CAD: variants seen among roughly 807,000 people sequenced by gnomAD.
CAD encodes the protein carbamoyl-phosphate synthetase 2, aspartate transcarbamylase, and dihydroorotase.
A neutral mutation model predicts 237.2 loss-of-function variants in CAD; 81 were observed. The ratio of observed to expected loss-of-function variants is 0.34; its 90% confidence interval spans 0.29 to 0.41. The LOEUF (loss-of-function observed/expected upper bound fraction) is 0.41. Among genes scored for constraint, CAD ranks in the 10% least tolerant of loss-of-function variants. CAD has a pLI of 1.00. For synonymous variants in CAD, 1,196 were observed against 1,162.8 expected, an observed-to-expected ratio of 1.03 and a Z score of -0.58; for missense variants, 2,181 against 2,951.7, an observed-to-expected ratio of 0.74 and a Z score of 6.05.
chr2:27,219,634 A>C (rs1220000721), intron 2 of CAD, among the ~76,000 whole-genome samples: 1 of 151,602 alleles, frequency 6.6e-6, no homozygotes, highest in Non-Finnish European at 1.5e-5. Flanking sequence ...CTTGTTGCTC[A>C]GGTTGGAGTG....
rs751801189 is a variant in CAD, at chr2:27,234,180, A to T, written c.3572A>T (p.Gln1191Leu). 1.2e-6 allele frequency: 2 copies of T among 1,614,274 alleles called. No individual in the cohort carries two copies. Among genetic ancestry groups the T allele is most frequent in the South Asian group, 2.2e-5 (2 of 91,092 alleles). ...RIKAIVHAVGQELQVTGPFNL... is the reference protein window; with the variant it reads ...RIKAIVHAVGLELQVTGPFNL... ...AAAGCCATTGTGCATGCTGTGGGCCAGGAGCTACAGGTCACAGGACCCTTC... is the reference window on the plus strand; with the variant it reads ...AAAGCCATTGTGCATGCTGTGGGCCTGGAGCTACAGGTCACAGGACCCTTC... The change falls in exon 22 of 44, where the codon CAG (glutamine) becomes CTG (leucine). Residue 1191 changes from glutamine to leucine, a missense_variant. Gln to Leu is a moderately radical substitution (Grantham distance 113, BLOSUM62 -2). This residue lies in a region of CAD where 306 missense variants were observed against 607.9 expected (regional missense o/e 0.50). Coordinates refer to ENST00000264705, the MANE Select transcript of CAD (RefSeq NM_004341.5).
Position 27,235,098 on chromosome 2 carries a change from G to T in CAD, c.3787-147G>T. On this transcript the variant is annotated intron_variant, in intron 23 of 43. Transcript: ENST00000264705. The surrounding 1 kb of genome is among the most constrained non-coding windows in gnomAD (Gnocchi z 5.2). The stretch of plus-strand genomic sequence containing the variant: ...GAAGCTGAGGGATGACCCCAAGTAC[G>T]TTTGGAAAGCAGGAGGGCACACAGA... 1 of 698,018 alleles carries T rather than the reference G, an allele frequency of 1.4e-6. No homozygotes were observed. Among genetic ancestry groups the T allele is most frequent in the Non-Finnish European group, 2.3e-6 (1 of 432,446 alleles). 43.2% of individuals were successfully genotyped at this position (698,018 alleles called of 1,614,324 possible).
chr2:27,234,654 T>A lies in CAD; in HGVS notation c.3755T>A (p.Leu1252Gln). Reference sequence around the variant, plus strand: ...GGGGAAGAAGTGGAACCTGTGGGGCTAATGACTGGTTCTGGAGTCGTGGGA... The same window carrying A: ...GGGGAAGAAGTGGAACCTGTGGGGCAAATGACTGGTTCTGGAGTCGTGGGA... ...IMGEEVEPVG[L>Q]MTGSGVVGVK... is the part of the protein sequence containing the mutation. Residue 1252 changes from leucine (L) to glutamine (Q), a missense_variant, in exon 23 of 44, where the codon CTA (leucine) becomes CAA (glutamine). Transcript: ENST00000264705. The A allele has an allele frequency of 6.2e-7, 1 of 1,614,148 alleles. No homozygotes were observed. The highest frequency in any genetic ancestry group is 8.5e-7 in the Non-Finnish European group (1 of 1,180,016).
At position 27,243,252 on chromosome 2, in the gene CAD, A is replaced by G; in HGVS notation, c.6535A>G (p.Met2179Val). ...PHIMTRAKKKMVVMHPMPRVN... is the reference protein window; with the variant it reads ...PHIMTRAKKKVVVMHPMPRVN... ...CATCATGACCCGGGCCAAGAAGAAG[A>G]TGGTGGTGATGCACCCGATGCCCCG... Residue 2179 changes from methionine to valine, a missense_variant, in exon 43 of 44, where the codon ATG becomes GTG. This residue lies in a region of CAD where 170 missense variants were observed against 212.1 expected (regional missense o/e 0.80). Coordinates refer to ENST00000264705, the MANE Select transcript of CAD (RefSeq NM_004341.5). The G allele has an allele frequency of 6.2e-7, 1 of 1,614,066 alleles. No homozygotes were observed. Among genetic ancestry groups the G allele is most frequent in the Non-Finnish European group, 8.5e-7 (1 of 1,180,010 alleles).
intron 2 of CAD, 56 bp from the exon 3 acceptor site, chr2:27,221,162 A>T: frequency 6.9e-7 from 1 of 1,455,152 alleles, no homozygotes; most frequent in Middle Eastern, 1.8e-4. Flanking sequence ...AATCGGGAAA[A>T]TGCTGCAAAG....
Position 27,217,448 on chromosome 2 carries a change from A to C in CAD, c.-104A>C. The C allele has an allele frequency of 1.0e-6, 1 of 984,382 alleles. No individual in the cohort carries two copies. The highest frequency in any genetic ancestry group is 1.6e-6 in the Non-Finnish European group (1 of 636,190). The allele number at this position is 984,382 out of a possible 1,614,324, so 61.0% of individuals were successfully genotyped here. On this transcript the variant is annotated 5_prime_UTR_variant, in exon 1 of 44. Transcript: ENST00000264705. ...CTTCTCTCCAGCGCCCCGCGCCGTT[A>C]GCCACGTGGACCGACTCCGGCGCGC... is the stretch of plus-strand genomic sequence containing the variant.
Position 27,239,925 on chromosome 2 carries a change from G to A in CAD, c.5496+127G>A. Reference sequence around the variant, plus strand: ...CTTGAGGGACTGAATTTGAAGTGGGGTTGGGTCAATTATTTTTTTAAAATG... The same window carrying A: ...CTTGAGGGACTGAATTTGAAGTGGGATTGGGTCAATTATTTTTTTAAAATG... On this transcript the variant is annotated intron_variant, in intron 34 of 43. Coordinates refer to ENST00000264705, the MANE Select transcript of CAD (RefSeq NM_004341.5). This position sits in a 1 kb window ranked among gnomAD's most constrained non-coding sequence, Gnocchi z 4.0. 1 of 698,274 alleles carries A rather than the reference G, an allele frequency of 1.4e-6. No homozygotes were observed. The highest frequency in any genetic ancestry group is 2.3e-6 in the Non-Finnish European group (1 of 430,916). 43.3% of individuals were successfully genotyped at this position (698,274 alleles called of 1,614,324 possible).
chr2:27,235,637 C>T lies in CAD; in HGVS notation c.4071C>T (p.Val1357=), dbSNP rs749479741. 6.2e-7 allele frequency: 1 copy of T among 1,613,882 alleles called. No homozygotes were observed. The highest frequency in any genetic ancestry group is 1.7e-5 in the Admixed American group (1 of 60,006). Residue 1357 remains valine, a synonymous_variant, in exon 25 of 44, where the codon GTC becomes GTT. Coordinates refer to ENST00000264705, the MANE Select transcript of CAD (RefSeq NM_004341.5). This position sits in a 1 kb window ranked among gnomAD's most constrained non-coding sequence, Gnocchi z 5.2. ...GTADFYTEHG[V]KVTAVDWHFE... is the part of the protein sequence containing the mutation. The stretch of plus-strand genomic sequence containing the variant: ...CTGACTTCTACACTGAGCATGGCGT[C>T]AAGGTGCAGGAACTCTGGCAACCTA...
rs17855321 is a variant in CAD, at chr2:27,234,673, C to T, written c.3774C>T (p.Val1258=). Residue 1258 remains valine (V), a synonymous_variant, in exon 23 of 44, where the codon GTC becomes GTT. Transcript: ENST00000264705. ...EPVGLMTGSG[V]VGVKVPQFSF... ...TGGGGCTAATGACTGGTTCTGGAGT[C>T]GTGGGAGTAAAGGTAAGGAATATCG... 1.1e-5 allele frequency: 17 copies of T among 1,613,764 alleles called. No homozygotes were observed. The highest frequency in any genetic ancestry group is 1.6e-4 in the Middle Eastern group (1 of 6,080).
chr2:27,225,266 G>GGAA (rs772542369), intron 11 of CAD, 23 bp downstream of exon 11: 5 of 1,401,022 alleles, frequency 3.6e-6, no homozygotes, highest in Non-Finnish European at 5.0e-6. Context: ...TTTGGGTAAA[G>GGAA]GAAGAATGGT....
intron 5 of CAD, 32 bp downstream of exon 5, chr2:27,222,692 A>G: frequency 6.2e-7 from 1 of 1,603,372 alleles, no homozygotes; most frequent in Non-Finnish European, 8.5e-7. Context: ...AGGGCCTCAG[A>G]CAAGCAGCTT....
At chr2:27,226,024 C>A in intron 12 of CAD, 98 bp downstream of exon 12, 1 of 1,483,886 alleles carries the variant, frequency 6.7e-7, no homozygotes, top group Non-Finnish European at 9.4e-7. Context: ...GTATGTCCCT[C>A]AGACCCAGGT....
chr2:27,229,830 T>A (rs1675636822), intron 15 of CAD, among the ~76,000 whole-genome samples: 1 of 137,800 alleles, frequency 7.3e-6, no homozygotes, highest in Non-Finnish European at 1.6e-5. Context: ...GAGCTGAGAT[T>A]GCACCACTGA....
At position 27,224,336 on chromosome 2, in the gene CAD, C is replaced by T; in HGVS notation, c.1109-9C>T. 5 of 1,614,140 alleles carry T rather than the reference C, an allele frequency of 3.1e-6. No homozygotes were observed. Among genetic ancestry groups the T allele is most frequent in the Non-Finnish European group, 4.2e-6 (5 of 1,179,974 alleles). ...CTCTAACATTCTACGACCTTCTTTGCTTCCACAGTTAGAGAGCGGCTGACT... is the reference window on the plus strand; with the variant it reads ...CTCTAACATTCTACGACCTTCTTTGTTTCCACAGTTAGAGAGCGGCTGACT... On this transcript the variant is annotated splice_polypyrimidine_tract_variant and intron_variant, in intron 8 of 43. Coordinates refer to ENST00000264705, the MANE Select transcript of CAD (RefSeq NM_004341.5).
At chr2:27,223,067 A>G in intron 6 of CAD, 30 bp downstream of exon 6, 2 of 1,610,338 alleles carry the variant, frequency 1.2e-6, no homozygotes, top group Non-Finnish European at 1.7e-6. Context: ...GAAGGGGCCC[A>G]TACTTGTGGC....
rs754714468 is a variant in CAD, at chr2:27,225,129, G to C, written c.1506G>C (p.Leu502=). The change falls in exon 11 of 44, where the codon CTG becomes CTC. Residue 502 remains leucine (L), a synonymous_variant. Transcript: ENST00000264705. The part of the protein sequence containing the change: ...GVLARYGVRV[L]GTPVETIELT... ...TGGCTCGGTATGGGGTCCGGGTCCT[G>C]GGCACACCAGTGGAGACCATTGAGC... 6.2e-7 allele frequency: 1 copy of C among 1,614,122 alleles called. No individual in the cohort carries two copies. Among genetic ancestry groups the C allele is most frequent in the Non-Finnish European group, 8.5e-7 (1 of 1,180,022 alleles).
chr2:27,237,138 C>T lies in CAD; in HGVS notation c.4397-241C>T, dbSNP rs1255054984. ...TCCCAGGTTCAAGCGATTTTCCTGC[C>T]TCAGCCTCCCAAGTAGCTGGGATTA... On this transcript the variant is annotated intron_variant, in intron 27 of 43. Coordinates refer to ENST00000264705, the MANE Select transcript of CAD (RefSeq NM_004341.5). This position sits in a 1 kb window ranked among gnomAD's most constrained non-coding sequence, Gnocchi z 4.0. 6.6e-6 allele frequency among the ~76,000 whole-genome samples: 1 copy of T among 151,790 alleles called. No homozygotes were observed. Among genetic ancestry groups the T allele is most frequent in the Non-Finnish European group, 1.5e-5 (1 of 67,982 alleles).
At chr2:27,230,281 G>C (rs1030374590) in intron 15 of CAD, among the ~76,000 whole-genome samples, 2 of 152,054 alleles carry the variant, frequency 1.3e-5, no homozygotes, top group African/African-American at 4.8e-5. Context: ...TGGCAATGTG[G>C]GAAAATGTAT....
At position 27,243,295 on chromosome 2, in the gene CAD, GGT is replaced by G. The variant is rs1676415174; in HGVS notation, c.6575+5_6575+6del. 1 of 1,613,936 alleles carries G rather than the reference GGT, an allele frequency of 6.2e-7. No homozygotes were observed. Among genetic ancestry groups the G allele is most frequent in the African/African-American group, 1.3e-5 (1 of 74,898 alleles). ...ATGCCCCGTGTCAACGAGATAAGGT[GGT>G]GCAGCATCAGAGTCAGAGACTGCCT... On this transcript the variant is annotated splice_donor_5th_base_variant and intron_variant, in intron 43 of 43. Transcript: ENST00000264705.
Sources: allele counts gnomAD v4.1 joint callset (sites outside exome capture counted in the v4.1 genomes callset), GRCh38; gene constraint gnomAD v4.1.1; regional missense constraint gnomAD v4.1.1; non-coding constraint Gnocchi (gnomAD v3.1); transcripts MANE v1.5; gene names NCBI Gene and HGNC (gene_info 2026-07-23, HGNC 2026-07-21).